The following MED27 variants were observed in gnomAD, a reference collection of about 807,000 sequenced individuals.
MED27 encodes mediator of RNA polymerase II transcription subunit 27.
Under a neutral mutation model 38.2 loss-of-function variants are expected in MED27, and 30 were observed. That is an observed-to-expected ratio of 0.79 (90% CI 0.59 to 1.07). The LOEUF is 1.07. Ranked by LOEUF, MED27 falls within the 50% of genes least tolerant of loss-of-function variation. The pLI is 0.00. For missense variants in MED27, 289 were observed against 397.5 expected (o/e 0.73, Z 2.32); for synonymous variants, 122 against 153.5 (o/e 0.79, Z 1.52).
chr9:132,039,059 T>TC (rs1383391290), intron 2 of MED27, among the ~76,000 whole-genome samples: 9 of 152,248 alleles, frequency 5.9e-5, no homozygotes, highest in African/African-American at 1.9e-4. Context: ...GATTTTGGTC[T>TC]CTTTGCCTTG....
chr9:131,861,767 CT>C lies in MED27; in HGVS notation c.802-1096del, dbSNP rs66880335. ...AGTGCTGTGACAGATGTAAATGGTT[CT>C]TTTTTTTTTTTTTTTTTTTTATGAG... On this transcript the variant is annotated intron_variant, in intron 7 of 7. Transcript: ENST00000292035. This position sits in a 1 kb window ranked among gnomAD's most constrained non-coding sequence, Gnocchi z 4.4. Among the ~76,000 whole-genome samples, 16,062 of 143,616 alleles carry C rather than the reference CT, an allele frequency of 0.11. 857 individuals carry two copies. Among genetic ancestry groups the C allele is most frequent in the East Asian group, 0.27 (1,234 of 4,564 alleles). 94.2% of individuals were successfully genotyped at this position (143,616 alleles called of 152,430 possible).
At chr9:131,980,949 A>G (rs1831723004) in intron 3 of MED27, among the ~76,000 whole-genome samples, 1 of 152,204 alleles carries the variant, frequency 6.6e-6, no homozygotes, top group Admixed American at 6.5e-5. Flanking sequence ...CAGTCACCCC[A>G]AATTTTTGAC....
At chr9:132,002,479 G>A (rs1832258105) in intron 3 of MED27, among the ~76,000 whole-genome samples, 1 of 152,182 alleles carries the variant, frequency 6.6e-6, no homozygotes, top group African/African-American at 2.4e-5. Context: ...CTGTACCTGT[G>A]AGAGCTGGTG....
intron 3 of MED27, among the ~76,000 whole-genome samples, chr9:131,973,883 AT>A (rs542563287): frequency 0.01 from 1,338 of 132,690 alleles, 13 homozygotes; most frequent in East Asian, 0.067. Flanking sequence ...GATTTTTTCT[AT>A]TTTTTTTTTT....
intron 4 of MED27, among the ~76,000 whole-genome samples, chr9:131,896,904 GTATTTT>G (rs1434512767): frequency 5.9e-5 from 9 of 151,966 alleles, no homozygotes; most frequent in Non-Finnish European, 1.3e-4. Context: ...GCTAATTTTT[GTATTTT>G]TAGTAGAGAC....
At chr9:132,056,519 AAAG>A (rs1393073954) in intron 2 of MED27, among the ~76,000 whole-genome samples, 9 of 152,244 alleles carry the variant, frequency 5.9e-5, no homozygotes, top group Admixed American at 5.9e-4. Context: ...CATGATATTC[AAAG>A]AAAATGTACT....
intron 3 of MED27, among the ~76,000 whole-genome samples, chr9:131,950,819 T>C (rs1178917306): frequency 6.6e-6 from 1 of 152,210 alleles, no homozygotes; most frequent in African/African-American, 2.4e-5. Flanking sequence ...ACATAATGCA[T>C]ACTCAATAAA....
intron 3 of MED27, among the ~76,000 whole-genome samples, chr9:131,992,608 A>T (rs1409138266): frequency 6.6e-6 from 1 of 151,978 alleles, no homozygotes; most frequent in Non-Finnish European, 1.5e-5. Flanking sequence ...AACTACATTG[A>T]CCCAGCTACT....
At chr9:131,938,718 CT>C (rs901000025) in intron 4 of MED27, among the ~76,000 whole-genome samples, 77 of 145,242 alleles carry the variant, frequency 5.3e-4, no homozygotes, top group Middle Eastern at 3.6e-3. Flanking sequence ...CTTTTTTTTT[CT>C]TTTTTTTTTT....
intron 4 of MED27, among the ~76,000 whole-genome samples, chr9:131,931,533 A>AT (rs1471626981): frequency 6.6e-6 from 1 of 152,188 alleles, no homozygotes; most frequent in Non-Finnish European, 1.5e-5. Flanking sequence ...CCAATCAAAT[A>AT]TAAGTAAACT....
intron 3 of MED27, among the ~76,000 whole-genome samples, chr9:131,995,337 C>T (rs1361473333): frequency 6.6e-6 from 1 of 151,876 alleles, no homozygotes; most frequent in South Asian, 2.1e-4. Context: ...AAAGTGGCCA[C>T]AGTGACAGAA....
At chr9:131,980,671 A>C (rs1445338583) in intron 3 of MED27, among the ~76,000 whole-genome samples, 1 of 152,142 alleles carries the variant, frequency 6.6e-6, no homozygotes, top group Non-Finnish European at 1.5e-5. Context: ...GCCCTTCTTG[A>C]AAACTGTTTT....
intron 4 of MED27, among the ~76,000 whole-genome samples, chr9:131,928,032 C>G (rs1346463007): frequency 6.6e-6 from 1 of 152,124 alleles, no homozygotes; most frequent in East Asian, 1.9e-4. Flanking sequence ...CAAACAACCC[C>G]CAAGCCCTCT....
chr9:131,976,026 C>T (rs907535303), intron 3 of MED27, among the ~76,000 whole-genome samples: 13 of 152,082 alleles, frequency 8.5e-5, no homozygotes. Flanking sequence ...TGATCAAAGG[C>T]CATGGGGTGT....
intron 2 of MED27, among the ~76,000 whole-genome samples, chr9:132,053,640 C>A (rs1220728407): frequency 6.6e-6 from 1 of 152,168 alleles, no homozygotes; most frequent in Admixed American, 6.5e-5. Context: ...TGGGAAACAG[C>A]AGAAGCAGGC....
Position 132,062,772 on chromosome 9 carries a change from C to T in MED27, c.348+14670G>A, listed in dbSNP as rs367709022. On this transcript the variant is annotated intron_variant, in intron 2 of 7. Transcript: ENST00000292035. ...AGCTGGGACTTAGGATTATCACATA[C>T]CACCACACTTGGCAGATATTTTCAT... 5.3e-5 allele frequency among the ~76,000 whole-genome samples: 8 copies of T among 152,140 alleles called. No homozygotes were observed. In the South Asian group the frequency reaches 1.5e-3, roughly 28 times the overall value.
intron 6 of MED27, among the ~76,000 whole-genome samples, chr9:131,877,094 T>C (rs1445244011): frequency 2.6e-5 from 4 of 152,196 alleles, no homozygotes; most frequent in Non-Finnish European, 2.9e-5. Flanking sequence ...GGAGTCCCTC[T>C]GAGTGTGGGG....
intron 2 of MED27, among the ~76,000 whole-genome samples, chr9:132,015,833 G>C (rs1314184046): frequency 6.6e-6 from 1 of 152,056 alleles, no homozygotes; most frequent in Admixed American, 6.5e-5. Context: ...TCCCAATTTT[G>C]AGCAGATGTA....
chr9:131,937,710 T>A (rs988625053), intron 4 of MED27, among the ~76,000 whole-genome samples: 4 of 152,224 alleles, frequency 2.6e-5, no homozygotes, highest in African/African-American at 9.6e-5. Context: ...TGCATTCATT[T>A]TTATCTTCAT....
Sources: allele counts gnomAD v4.1 joint callset (sites outside exome capture counted in the v4.1 genomes callset), GRCh38; gene constraint gnomAD v4.1.1; non-coding constraint Gnocchi (gnomAD v3.1); transcripts MANE v1.5; gene names NCBI Gene and HGNC (gene_info 2026-07-23, HGNC 2026-07-21).